The following DLG5 variants were observed in gnomAD, a reference collection of about 807,000 sequenced individuals.
DLG5 encodes the protein disks large homolog 5.
A neutral mutation model predicts 189.8 loss-of-function variants in DLG5; 48 were observed. The observed-to-expected ratio is 0.25, with a 90% CI of 0.20 to 0.32. The LOEUF (loss-of-function observed/expected upper bound fraction) is 0.32. Ranked by LOEUF, DLG5 falls within the 10% of genes least tolerant of loss-of-function variation. The pLI, the probability that DLG5 is intolerant of heterozygous loss-of-function variation, is 1.00. For synonymous variants in DLG5, 1,016 were observed against 1,054.1 expected (o/e 0.96, Z 0.70); for missense variants, 2,160 against 2,544.7 (o/e 0.85, Z 3.25).
In DLG5 at chr10:77,843,676, G is replaced by A; in HGVS notation, c.895C>T (p.Leu299Phe). 6.2e-7 allele frequency: 1 copy of A among 1,614,074 alleles called. No homozygotes were observed. Among genetic ancestry groups the A allele is most frequent in the South Asian group, 1.1e-5 (1 of 91,070 alleles). ...ATGGCCGTGTCATACAGTTTGTTGA[G>A]AATCTCGGATGACCCGTTGTGCTTC... ...VLKHNGSSEI[L>F]NKLYDTAMDK... The change falls in exon 6 of 32, where the codon CTC (leucine) becomes TTC (phenylalanine). Residue 299 changes from leucine to phenylalanine, a missense_variant. Coordinates refer to ENST00000372391, the MANE Select transcript of DLG5 (RefSeq NM_004747.4).
chr10:77,829,745 G>C (rs1159546289), intron 11 of DLG5, among the ~76,000 whole-genome samples: 3 of 152,222 alleles, frequency 2.0e-5, no homozygotes, highest in Non-Finnish European at 4.4e-5. Flanking sequence ...CTTACTAGTT[G>C]TATGACCTAG....
intron 1 of DLG5, among the ~76,000 whole-genome samples, chr10:77,899,378 G>T (rs1345133462): frequency 1.3e-5 from 2 of 152,248 alleles, no homozygotes; most frequent in Admixed American, 1.3e-4. Context: ...CAATGGGCGT[G>T]CCCTCAGGAT....
At chr10:77,898,364 T>C (rs924818721) in intron 1 of DLG5, among the ~76,000 whole-genome samples, 1 of 152,132 alleles carries the variant, frequency 6.6e-6, no homozygotes, top group African/African-American at 2.4e-5. Context: ...TTTAAAAACC[T>C]CTCCACAGAG....
the DLG5 span, among the ~76,000 whole-genome samples, chr10:77,932,090 C>T: frequency 3.3e-5 from 5 of 152,170 alleles, no homozygotes; most frequent in Admixed American, 2.6e-4. Context: ...CCATCTGCCT[C>T]GTTTTCCTCC....
At chr10:77,804,874 A>C (rs1338387455) in intron 27 of DLG5, among the ~76,000 whole-genome samples, 1 of 152,196 alleles carries the variant, frequency 6.6e-6, no homozygotes, top group Non-Finnish European at 1.5e-5. Flanking sequence ...CTCAGCAGAG[A>C]TTGCTTCTTG....
At chr10:77,818,499 G>A (rs760114987) in intron 17 of DLG5, among the ~76,000 whole-genome samples, 4 of 152,174 alleles carry the variant, frequency 2.6e-5, no homozygotes, top group Non-Finnish European at 4.4e-5. Flanking sequence ...TGTGCCCTGT[G>A]ACCTCAAACC....
intron 7 of DLG5, among the ~76,000 whole-genome samples, chr10:77,837,643 A>C (rs777139197): frequency 1.3e-5 from 2 of 152,366 alleles, no homozygotes; most frequent in East Asian, 1.9e-4. Context: ...AGAGGACCCA[A>C]GTGACGGACT....
intron 1 of DLG5, among the ~76,000 whole-genome samples, chr10:77,920,880 T>C (rs1473159595): frequency 6.6e-6 from 1 of 152,182 alleles, no homozygotes; most frequent in African/African-American, 2.4e-5. Flanking sequence ...ATATTCTAAG[T>C]CAATACATTT....
At chr10:77,807,304 A>AG (rs1433182056) in intron 25 of DLG5, among the ~76,000 whole-genome samples, 2 of 152,192 alleles carry the variant, frequency 1.3e-5, no homozygotes, top group South Asian at 2.1e-4. Flanking sequence ...CCCTAGAGAC[A>AG]GGGAGTTGTA....
intron 1 of DLG5, among the ~76,000 whole-genome samples, chr10:77,923,984 C>A (rs1846611545): frequency 6.6e-6 from 1 of 152,128 alleles, no homozygotes; most frequent in Non-Finnish European, 1.5e-5. Context: ...CCTGCCTCAG[C>A]CTCCCAAGTA....
chr10:77,937,171 TGCTTG>T, the DLG5 span, among the ~76,000 whole-genome samples: 1 of 152,096 alleles, frequency 6.6e-6, no homozygotes, highest in African/African-American at 2.4e-5. Flanking sequence ...CATCTCCTAT[TGCTTG>T]GCCCAATGCT....
intron 24 of DLG5, among the ~76,000 whole-genome samples, chr10:77,809,050 G>A (rs1436744205): frequency 1.3e-5 from 2 of 150,982 alleles, no homozygotes; most frequent in Non-Finnish European, 2.9e-5. Context: ...GGTGAGTTGA[G>A]ATTGCACCAC....
chr10:77,812,525 T>C, intron 20 of DLG5, 148 bp from the exon 21 acceptor site: 1 of 882,532 alleles, frequency 1.1e-6, no homozygotes, highest in Non-Finnish European at 1.7e-6. Context: ...CATGGGGACA[T>C]GGTGGGCCCA....
In DLG5 at chr10:77,819,918, A is replaced by C; in HGVS notation, c.3503T>G (p.Leu1168Arg). ...GHSSRHSNPPLYPSRPSVGTV... is the reference protein window; with the variant it reads ...GHSSRHSNPPRYPSRPSVGTV... ...ACCCACAGACGGCCTGCTAGGGTAT[A>C]GCGGGGGGTTGCTGTGCCGGCTGGA... The change falls in exon 16 of 32, where the codon CTA becomes CGA. Residue 1168 changes from leucine to arginine, a missense_variant. Coordinates refer to ENST00000372391, the MANE Select transcript of DLG5 (RefSeq NM_004747.4). 6.3e-7 allele frequency: 1 copy of C among 1,599,062 alleles called. No homozygotes were observed. Among genetic ancestry groups the C allele is most frequent in the Non-Finnish European group, 8.5e-7 (1 of 1,173,096 alleles).
rs548302694 is a variant in DLG5, at chr10:77,872,382, G to A, written c.305-3185C>T. On this transcript the variant is annotated intron_variant, in intron 1 of 31. Coordinates refer to ENST00000372391, the MANE Select transcript of DLG5 (RefSeq NM_004747.4). ...GGCTGGGGGAGTCCACAGGCCAAGC[G>A]ACACGTTCTGTTCCTCTTCCCTGTC... 8.5e-5 allele frequency among the ~76,000 whole-genome samples: 13 copies of A among 152,272 alleles called. No homozygotes were observed. The East Asian group carries it at 9.7e-4, about 11-fold the overall frequency.
At chr10:77,938,801 C>T in the DLG5 span, among the ~76,000 whole-genome samples, 1 of 152,214 alleles carries the variant, frequency 6.6e-6, no homozygotes, top group African/African-American at 2.4e-5. Context: ...CCCCTCCCAG[C>T]CTTTCTAGTT....
intron 1 of DLG5, among the ~76,000 whole-genome samples, chr10:77,889,658 T>C (rs1845549462): frequency 6.6e-6 from 1 of 152,132 alleles, no homozygotes; most frequent in East Asian, 1.9e-4. Context: ...GAATGCAGGT[T>C]CCAGACCCAA....
chr10:77,879,539 C>T (rs1258942438), intron 1 of DLG5, among the ~76,000 whole-genome samples: 5 of 151,878 alleles, frequency 3.3e-5, no homozygotes, highest in Admixed American at 2.0e-4. Context: ...AGACAGCAAA[C>T]TCGCAAGTCC....
chr10:77,821,498 C>A lies in DLG5; in HGVS notation c.2986G>T (p.Gly996Trp), dbSNP rs757236780. The A allele has an allele frequency of 3.1e-6, 5 of 1,612,634 alleles. No individual in the cohort carries two copies. In the South Asian group the frequency reaches 5.5e-5, roughly 18 times the overall value. The change falls in exon 15 of 32, where the codon GGG becomes TGG. Residue 996 changes from glycine to tryptophan, a missense_variant. Gly to Trp is a radical substitution (Grantham distance 184, BLOSUM62 -2). Around this residue, in one of 5 missense-constraint regions of DLG5, gnomAD observed 754 missense variants for 746.5 expected, o/e 1.01. Coordinates refer to ENST00000372391, the MANE Select transcript of DLG5 (RefSeq NM_004747.4). ...PKIDYLLPGPGPAHSPQPSKR... is the reference protein window; with the variant it reads ...PKIDYLLPGPWPAHSPQPSKR... Reference sequence around the variant, plus strand: ...GAGGGCTGGGGAGAGTGAGCAGGCCCAGGACCTGGAAGCAGGTAGTCTATT... The same window carrying A: ...GAGGGCTGGGGAGAGTGAGCAGGCCAAGGACCTGGAAGCAGGTAGTCTATT...
Sources: allele counts gnomAD v4.1 joint callset (sites outside exome capture counted in the v4.1 genomes callset), GRCh38; gene constraint gnomAD v4.1.1; regional missense constraint gnomAD v4.1.1; transcripts MANE v1.5; gene names NCBI Gene and HGNC (gene_info 2026-07-23, HGNC 2026-07-21).